The following KCNH1 variants were observed in gnomAD, a reference collection of about 807,000 sequenced individuals.
KCNH1 encodes potassium voltage-gated channel subfamily H member 1, also known as voltage-gated delayed rectifier potassium channel KCNH1.
KCNH1 carries 27 observed loss-of-function variants against 69.2 expected under a neutral mutation model. That is an observed-to-expected ratio of 0.39 (90% CI 0.29 to 0.54). KCNH1 has a LOEUF of 0.54. Ranked by LOEUF, KCNH1 falls within the 20% of genes least tolerant of loss-of-function variation. The probability of loss-of-function intolerance (pLI) is 0.68; values close to 1 mark genes in which losing one functional copy is unlikely to be tolerated. For synonymous variants in KCNH1, 456 were observed against 487.7 expected (o/e 0.93, Z 0.86); for missense variants, 798 against 1,261.6 (o/e 0.63, Z 5.57).
At chr1:210,899,935 A>G (rs1697618) in intron 7 of KCNH1, among the ~76,000 whole-genome samples, 31,449 of 152,138 alleles carry the variant, frequency 0.21, 3,342 homozygotes, top group Middle Eastern at 0.26. Context: ...TTAAAGTCAG[A>G]TTTCTAAAAA....
chr1:210,858,972 C>A, intron 7 of KCNH1: 1 of 502,806 alleles, frequency 2.0e-6, no homozygotes, highest in Non-Finnish European at 3.5e-6. Flanking sequence ...CCCCCCCACC[C>A]CCAAAATCCC....
chr1:210,731,309 G>A (rs1014463259), intron 10 of KCNH1, among the ~76,000 whole-genome samples: 6 of 152,168 alleles, frequency 3.9e-5, no homozygotes, highest in Non-Finnish European at 8.8e-5. Flanking sequence ...ACTTCACAGA[G>A]AAGTTAAAAA....
intron 1 of KCNH1, among the ~76,000 whole-genome samples, chr1:211,111,385 C>T (rs1032415869): frequency 1.4e-5 from 2 of 147,948 alleles, no homozygotes; most frequent in Non-Finnish European, 3.0e-5. Context: ...GCCCGGCCAC[C>T]GCATGGTCTG....
At chr1:211,088,834 T>C (rs1003662477) in intron 4 of KCNH1, among the ~76,000 whole-genome samples, 4 of 149,622 alleles carry the variant, frequency 2.7e-5, no homozygotes, top group African/African-American at 1.0e-4. Context: ...TGTCTGTAAG[T>C]ATGTATGTGT....
At chr1:210,853,898 A>G (rs1471530872) in intron 7 of KCNH1, among the ~76,000 whole-genome samples, 3 of 144,164 alleles carry the variant, frequency 2.1e-5, no homozygotes, top group African/African-American at 5.3e-5. Flanking sequence ...ATGACTCCCA[A>G]TCAGGTGACA....
chr1:210,967,956 C>T (rs1352790145), intron 6 of KCNH1, among the ~76,000 whole-genome samples: 1 of 151,696 alleles, frequency 6.6e-6, no homozygotes, highest in Admixed American at 6.6e-5. Flanking sequence ...CATGCTGGTG[C>T]ACTGCACCCA....
chr1:211,086,873 C>T (rs879918431), intron 4 of KCNH1, among the ~76,000 whole-genome samples: 2 of 152,192 alleles, frequency 1.3e-5, no homozygotes, highest in Admixed American at 6.5e-5. Context: ...AAACATCCAG[C>T]AAAGAACAGT....
chr1:211,055,765 C>A (rs1690292631), intron 5 of KCNH1, among the ~76,000 whole-genome samples: 1 of 152,182 alleles, frequency 6.6e-6, no homozygotes, highest in Non-Finnish European at 1.5e-5. Flanking sequence ...GGGGCCCCCC[C>A]ATTCTGGGCT....
intron 7 of KCNH1, among the ~76,000 whole-genome samples, chr1:210,822,801 C>T (rs1384020975): frequency 6.6e-6 from 1 of 152,186 alleles, no homozygotes; most frequent in East Asian, 1.9e-4. Flanking sequence ...CCTTGTCAGT[C>T]TCTCCAAGGT....
At chr1:210,937,869 A>G (rs1204318890) in intron 6 of KCNH1, among the ~76,000 whole-genome samples, 1 of 152,224 alleles carries the variant, frequency 6.6e-6, no homozygotes, top group Non-Finnish European at 1.5e-5. Flanking sequence ...TGTCTAATTA[A>G]ACCTAAGTCC....
intron 6 of KCNH1, among the ~76,000 whole-genome samples, chr1:211,009,505 A>T (rs986767498): frequency 1.3e-5 from 2 of 152,240 alleles, no homozygotes; most frequent in African/African-American, 4.8e-5. Context: ...AATTCAGCAC[A>T]GAACCTGACC....
intron 10 of KCNH1, among the ~76,000 whole-genome samples, chr1:210,706,391 C>T (rs996759369): frequency 2.0e-5 from 3 of 152,150 alleles, no homozygotes; most frequent in Non-Finnish European, 2.9e-5. Flanking sequence ...CAAAATGCAG[C>T]GTGGAAAGTA....
chr1:210,852,970 T>C (rs1428875732), intron 7 of KCNH1, among the ~76,000 whole-genome samples: 1 of 152,230 alleles, frequency 6.6e-6, no homozygotes. Flanking sequence ...TGTCTTCTAT[T>C]CTTTCCCTAG....
intron 7 of KCNH1, among the ~76,000 whole-genome samples, chr1:210,836,450 A>G (rs1015824788): frequency 6.6e-6 from 1 of 152,204 alleles, no homozygotes; most frequent in African/African-American, 2.4e-5. Flanking sequence ...GGCAGAGTCC[A>G]AGTGGAGTCA....
At chr1:210,770,210 G>A (rs1173641434) in intron 10 of KCNH1, among the ~76,000 whole-genome samples, 1 of 152,036 alleles carries the variant, frequency 6.6e-6, no homozygotes, top group African/African-American at 2.4e-5. Flanking sequence ...TTGGGGTGTG[G>A]GGGGGTCAAG....
chr1:211,062,470 A>C (rs756393260), intron 5 of KCNH1, among the ~76,000 whole-genome samples: 2 of 152,174 alleles, frequency 1.3e-5, no homozygotes, highest in African/African-American at 4.8e-5. Context: ...AAATAGCATC[A>C]TATCAAGTTA....
chr1:210,788,685 CTTTTTTTTTTTTTTTT>C (rs139485350), intron 9 of KCNH1, among the ~76,000 whole-genome samples: 1 of 80,720 alleles, frequency 1.2e-5, no homozygotes, highest in South Asian at 5.1e-4. Context: ...TAGCTTCTTT[CTTTTTTTTTTTTTTTT>C]TTTTTTTTTT....
intron 7 of KCNH1, among the ~76,000 whole-genome samples, chr1:210,833,304 T>G (rs2102442335): frequency 6.6e-6 from 1 of 152,164 alleles, no homozygotes; most frequent in South Asian, 2.1e-4. Flanking sequence ...CCTTGAAAAT[T>G]CATACAGCAT....
At chr1:210,768,135 C>T (rs1196410405) in intron 10 of KCNH1, among the ~76,000 whole-genome samples, 1 of 152,130 alleles carries the variant, frequency 6.6e-6, no homozygotes, top group Non-Finnish European at 1.5e-5. Context: ...ACTTTTAGCA[C>T]CTGATGGGAT....
Sources: allele counts gnomAD v4.1 joint callset (sites outside exome capture counted in the v4.1 genomes callset), GRCh38; gene constraint gnomAD v4.1.1; transcripts MANE v1.5; gene names NCBI Gene and HGNC (gene_info 2026-07-23, HGNC 2026-07-21).